The following FRYL variants were observed in gnomAD, a reference collection of about 807,000 sequenced individuals.
The protein encoded by FRYL is FRY like transcription coactivator.
FRYL carries 150 observed loss-of-function variants against 351.2 expected under a neutral mutation model. That is an observed-to-expected ratio of 0.43 (90% CI 0.37 to 0.49). The LOEUF (loss-of-function observed/expected upper bound fraction) is 0.49. Among genes scored for constraint, FRYL ranks in the 20% least tolerant of loss-of-function variants. FRYL has a pLI of 0.00. For synonymous variants in FRYL, 1,153 were observed against 1,257.1 expected, an observed-to-expected ratio of 0.92 and a Z score of 1.75; for missense variants, 3,036 against 3,619.3, an observed-to-expected ratio of 0.84 and a Z score of 4.13.
At chr4:48,696,140 C>T (rs1401373238) in intron 2 of FRYL, among the ~76,000 whole-genome samples, 1 of 152,014 alleles carries the variant, frequency 6.6e-6, no homozygotes, top group Non-Finnish European at 1.5e-5. Context: ...GGATCTAGAA[C>T]CAGAAATACC....
At position 48,579,019 on chromosome 4, in the gene FRYL, A is replaced by T. The variant is rs1261712115; in HGVS notation, c.2482T>A (p.Phe828Ile). 1 of 1,613,524 alleles carries T rather than the reference A, an allele frequency of 6.2e-7. No homozygotes were observed. Among genetic ancestry groups the T allele is most frequent in the Admixed American group, 1.7e-5 (1 of 59,916 alleles). ...CSTAVSYAWM[F>I]AYTRLQLLSP... is the part of the protein sequence containing the mutation. ...AACAACTGAAGTCTTGTGTATGCAA[A>T]CATCCAAGCATAGCTCACAGCTGTA... Residue 828 changes from phenylalanine (F) to isoleucine (I), a missense_variant, in exon 23 of 64, where the codon TTT (phenylalanine) becomes ATT (isoleucine). Transcript: ENST00000358350.
At chr4:48,672,155 G>T (rs956636192) in intron 3 of FRYL, among the ~76,000 whole-genome samples, 14 of 152,098 alleles carry the variant, frequency 9.2e-5, no homozygotes, top group Admixed American at 2.0e-4. Flanking sequence ...TTATAATCTT[G>T]AAAACAATGC....
rs137944747 is a variant in FRYL at position 48,501,713 on chromosome 4, T to C, written c.8502A>G (p.Arg2834=). The part of the protein sequence containing the change: ...EILAELELCR[R]LYKLHFQLLL... The stretch of plus-strand genomic sequence containing the variant: ...GCAATTGAAAATGCAATTTGTATAA[T>C]CTTCGGCAGAGCTCCAATTCCTAGA... Residue 2834 remains arginine, a synonymous_variant, in exon 62 of 64, where the codon AGA becomes AGG. Transcript: ENST00000358350. 1,292 of 1,603,184 alleles carry C rather than the reference T, an allele frequency of 8.1e-4. 9 individuals carry two copies. The East Asian group carries it at 0.016, about 20-fold the overall frequency.
chr4:48,544,724 A>C (rs201933236), intron 43 of FRYL, 59 bp downstream of exon 43: 2 of 1,430,606 alleles, frequency 1.4e-6, no homozygotes, highest in South Asian at 3.0e-5. Flanking sequence ...GCTAAGCATT[A>C]TCAGAAATTG....
intron 3 of FRYL, among the ~76,000 whole-genome samples, chr4:48,671,580 T>C (rs568689880): frequency 3.9e-5 from 6 of 152,008 alleles, no homozygotes; most frequent in Non-Finnish European, 8.8e-5. Flanking sequence ...GGCAGGAGAA[T>C]CGCTTGAACC....
rs545122047 is a variant in FRYL at position 48,715,773 on chromosome 4, A to G, written c.-383-5075T>C. Among the ~76,000 whole-genome samples, 38 of 152,314 alleles carry G rather than the reference A, an allele frequency of 2.5e-4. No individual in the cohort carries two copies. In the South Asian group the frequency reaches 7.5e-3, roughly 30 times the overall value. On this transcript the variant is annotated intron_variant, in intron 1 of 63. Transcript: ENST00000358350. ...TTCTTCACAGAATTGGAAAAAAACTACTTTAAAGTTCATATGGAACCAAAA... is the reference window on the plus strand; with the variant it reads ...TTCTTCACAGAATTGGAAAAAAACTGCTTTAAAGTTCATATGGAACCAAAA...
chr4:48,692,309 A>T (rs2149560663), intron 2 of FRYL, among the ~76,000 whole-genome samples: 1 of 152,282 alleles, frequency 6.6e-6, no homozygotes, highest in African/African-American at 2.4e-5. Flanking sequence ...AGGCTCTGGA[A>T]TTAGGTTAAG....
chr4:48,582,644 A>G lies in FRYL; in HGVS notation c.1839T>C (p.Asp613=). 1.2e-6 allele frequency: 2 copies of G among 1,614,112 alleles called. No homozygotes were observed. Among genetic ancestry groups the G allele is most frequent in the Middle Eastern group, 1.7e-4 (1 of 6,060 alleles). Residue 613 remains aspartate, a synonymous_variant, in exon 20 of 64, where the codon GAT becomes GAC. Coordinates refer to ENST00000358350, the MANE Select transcript of FRYL (RefSeq NM_015030.2). ...TAAAATAAACAAATCCTGAAAGAAC[A>G]TCCTCCCGCCAATCTGGAAAATCAA... ...LMLDFPDWRE[D]VLSGFVYFIV...
chr4:48,551,483 G>C lies in FRYL; in HGVS notation c.4520+11C>G. ...AACTGAAAGGCTAATACAGAACAGA[G>C]AAGTACTTACCTCTCTTCAATATTC... is the stretch of plus-strand genomic sequence containing the variant. On this transcript the variant is annotated intron_variant, in intron 37 of 63. Coordinates refer to ENST00000358350, the MANE Select transcript of FRYL (RefSeq NM_015030.2). 1 of 1,526,584 alleles carries C rather than the reference G, an allele frequency of 6.6e-7. No homozygotes were observed. The highest frequency in any genetic ancestry group is 9.1e-7 in the Non-Finnish European group (1 of 1,104,144). The allele number at this position is 1,526,584 out of a possible 1,614,324, so 94.6% of individuals were successfully genotyped here. A position where few individuals can be genotyped will look rare whatever the true frequency, so the allele number is the denominator to read the frequency against.
intron 1 of FRYL, among the ~76,000 whole-genome samples, chr4:48,771,173 CTG>C (rs1446791531): frequency 1.3e-5 from 2 of 152,118 alleles, no homozygotes; most frequent in Non-Finnish European, 2.9e-5. Context: ...GCATGACAAA[CTG>C]TAACTAGTAT....
At chr4:48,718,858 A>G (rs60696356) in intron 1 of FRYL, among the ~76,000 whole-genome samples, 6 of 151,326 alleles carry the variant, frequency 4.0e-5, no homozygotes, top group African/African-American at 1.5e-4. Context: ...ACACACAAAA[A>G]AAGTATTACT....
intron 2 of FRYL, among the ~76,000 whole-genome samples, chr4:48,699,645 A>G (rs1766530852): frequency 6.6e-6 from 1 of 152,200 alleles, no homozygotes; most frequent in South Asian, 2.1e-4. Flanking sequence ...TCTCTATTAC[A>G]GGGAAAATGT....
At chr4:48,615,364 A>G (rs1749209766) in intron 7 of FRYL, among the ~76,000 whole-genome samples, 1 of 152,226 alleles carries the variant, frequency 6.6e-6, no homozygotes, top group South Asian at 2.1e-4. Flanking sequence ...TACATAAAAG[A>G]TATCACCACC....
intron 3 of FRYL, among the ~76,000 whole-genome samples, chr4:48,655,461 A>G (rs1758643706): frequency 6.6e-6 from 1 of 151,844 alleles, no homozygotes; most frequent in African/African-American, 2.4e-5. Flanking sequence ...ACTATAATAC[A>G]TCCCATTCTT....
chr4:48,646,254 C>T (rs766548690), intron 3 of FRYL, among the ~76,000 whole-genome samples: 1 of 152,148 alleles, frequency 6.6e-6, no homozygotes, highest in African/African-American at 2.4e-5. Context: ...AAACAATTCA[C>T]AAGATTTTCT....
intron 33 of FRYL, among the ~76,000 whole-genome samples, chr4:48,559,991 G>A (rs1735101792): frequency 6.6e-6 from 1 of 152,138 alleles, no homozygotes; most frequent in Non-Finnish European, 1.5e-5. Context: ...CTAGTGGAGT[G>A]TGAAGGCCAT....
At chr4:48,610,723 AT>A (rs1207229274) in intron 7 of FRYL, among the ~76,000 whole-genome samples, 1 of 134,304 alleles carries the variant, frequency 7.4e-6, no homozygotes, top group Non-Finnish European at 1.6e-5. Context: ...TTATATACAT[AT>A]ATTATATACA....
At chr4:48,508,106 C>T (rs1721674688) in intron 59 of FRYL, among the ~76,000 whole-genome samples, 1 of 152,090 alleles carries the variant, frequency 6.6e-6, no homozygotes, top group African/African-American at 2.4e-5. Flanking sequence ...GCAAACATAG[C>T]CATGGACAAT....
intron 9 of FRYL, among the ~76,000 whole-genome samples, chr4:48,608,351 T>C (rs1202898362): frequency 1.3e-5 from 2 of 152,202 alleles, no homozygotes; most frequent in East Asian, 3.8e-4. Context: ...GAAAATATAA[T>C]TTGATACTTT....
Sources: allele counts gnomAD v4.1 joint callset (sites outside exome capture counted in the v4.1 genomes callset), GRCh38; gene constraint gnomAD v4.1.1; transcripts MANE v1.5; gene names NCBI Gene and HGNC (gene_info 2026-07-23, HGNC 2026-07-21).